The following CDK19 variants were observed in gnomAD, a reference collection of about 807,000 sequenced individuals.
CDK19 encodes the protein cyclin dependent kinase 19.
Under a neutral mutation model 68.3 loss-of-function variants are expected in CDK19, and 20 were observed. The observed-to-expected ratio is 0.29, with a 90% CI of 0.21 to 0.43. CDK19 has a LOEUF of 0.43. Ranked by LOEUF, CDK19 falls within the 20% of genes least tolerant of loss-of-function variation. The pLI is 1.00. For synonymous variants in CDK19, 221 were observed against 222.8 expected (o/e 0.99, Z 0.07); for missense variants, 339 against 623.5 (o/e 0.54, Z 4.86).
intron 1 of CDK19, among the ~76,000 whole-genome samples, chr6:110,809,481 A>G (rs1351501588): frequency 1.3e-5 from 2 of 152,058 alleles, no homozygotes; most frequent in African/African-American, 4.8e-5. Flanking sequence ...ACTGCACGAC[A>G]GCACTCCAGC....
At chr6:110,809,666 C>T (rs192345480) in intron 1 of CDK19, among the ~76,000 whole-genome samples, 2 of 151,966 alleles carry the variant, frequency 1.3e-5, no homozygotes, top group Non-Finnish European at 2.9e-5. Context: ...CTAAAAACTT[C>T]GTTTTTTAAG....
intron 1 of CDK19, among the ~76,000 whole-genome samples, chr6:110,763,260 C>T (rs753110608): frequency 6.6e-6 from 1 of 151,820 alleles, no homozygotes. Flanking sequence ...ATGGAGTGCT[C>T]CTATGATCTG....
At chr6:110,768,322 C>G (rs948871695) in intron 1 of CDK19, among the ~76,000 whole-genome samples, 2 of 152,202 alleles carry the variant, frequency 1.3e-5, no homozygotes, top group African/African-American at 4.8e-5. Context: ...CTTTGGAAGA[C>G]AGTTTGGCAG....
chr6:110,628,943 T>G lies in CDK19; in HGVS notation c.647-1798A>C, dbSNP rs76605526. 0.021 allele frequency among the ~76,000 whole-genome samples: 3,203 copies of G among 152,250 alleles called. 342 individuals carry two copies. The East Asian group carries it at 0.33, about 16-fold the overall frequency. ...AGCAAGGTCATCATCATCATGAACA[T>G]CCATCACTACAGAGTAGAGTAATAA... On this transcript the variant is annotated intron_variant, in intron 6 of 12. Coordinates refer to ENST00000368911, the MANE Select transcript of CDK19 (RefSeq NM_015076.5).
At chr6:110,683,774 T>A (rs1357000395) in intron 2 of CDK19, among the ~76,000 whole-genome samples, 1 of 148,888 alleles carries the variant, frequency 6.7e-6, no homozygotes, top group African/African-American at 2.5e-5. Flanking sequence ...TGATCTCAGC[T>A]CACTGCAACC....
chr6:110,774,133 AT>A lies in CDK19; in HGVS notation c.129-27933del, dbSNP rs1294641248. Among the ~76,000 whole-genome samples the A allele has an allele frequency of 7.2e-5, 11 of 152,390 alleles. 1 individual carries two copies. In the East Asian group the frequency reaches 2.1e-3, roughly 29 times the overall value. On this transcript the variant is annotated intron_variant, in intron 1 of 12. Transcript: ENST00000368911. ...AATTATATATAATGCAGCTTATTGT[AT>A]GAAAAGACCAAAAGTTGAGCCTTAA...
chr6:110,642,162 G>A (rs145213038), intron 4 of CDK19, among the ~76,000 whole-genome samples: 4 of 152,216 alleles, frequency 2.6e-5, no homozygotes, highest in East Asian at 1.9e-4. Flanking sequence ...TTAGCTGGGC[G>A]TGGTGGTGTG....
chr6:110,616,586 TG>T (rs2114572029), intron 12 of CDK19, among the ~76,000 whole-genome samples: 1 of 151,858 alleles, frequency 6.6e-6, no homozygotes, highest in East Asian at 1.9e-4. Context: ...GAGAATCGCT[TG>T]AACCCAGGAG....
intron 2 of CDK19, among the ~76,000 whole-genome samples, chr6:110,720,450 T>C (rs1162842264): frequency 1.3e-5 from 2 of 152,220 alleles, no homozygotes; most frequent in Admixed American, 1.3e-4. Flanking sequence ...CACTTTTCAC[T>C]GTTTTACGTC....
At chr6:110,689,018 T>A (rs895231243) in intron 2 of CDK19, among the ~76,000 whole-genome samples, 2 of 152,130 alleles carry the variant, frequency 1.3e-5, no homozygotes, top group African/African-American at 4.8e-5. Context: ...GGGGCAGTTT[T>A]GAGTTCTGAG....
chr6:110,643,820 T>C (rs975845410), intron 4 of CDK19, among the ~76,000 whole-genome samples: 1 of 152,112 alleles, frequency 6.6e-6, no homozygotes, highest in Admixed American at 6.5e-5. Flanking sequence ...GACAGGACAG[T>C]GATCCCAGCA....
chr6:110,646,018 C>A, intron 4 of CDK19: 1 of 987,306 alleles, frequency 1.0e-6, no homozygotes, highest in Non-Finnish European at 1.5e-6. Flanking sequence ...GGTGTGCGGT[C>A]GCGGGACCTG....
chr6:110,780,465 T>A (rs1332651907), intron 1 of CDK19, among the ~76,000 whole-genome samples: 1 of 148,568 alleles, frequency 6.7e-6, no homozygotes, highest in Non-Finnish European at 1.5e-5. Flanking sequence ...AAGGTATATA[T>A]CAGAAGACAT....
chr6:110,787,945 T>C (rs1173200689), intron 1 of CDK19, among the ~76,000 whole-genome samples: 17 of 151,914 alleles, frequency 1.1e-4, no homozygotes, highest in Non-Finnish European at 2.5e-4. Context: ...GTTCAAATGA[T>C]TCTCCTGTCT....
At position 110,684,718 on chromosome 6, in the gene CDK19, G is replaced by GAATATC. The variant is rs557888882; in HGVS notation, c.205-14183_205-14178dup. On this transcript the variant is annotated intron_variant, in intron 2 of 12. Coordinates refer to ENST00000368911, the MANE Select transcript of CDK19 (RefSeq NM_015076.5). ...GATGCATCATACAATACAACCAAGA[G>GAATATC]AATATCCCACTGTAACTCAAAATCC... Among the ~76,000 whole-genome samples, 1,292 of 152,140 alleles carry GAATATC rather than the reference G, an allele frequency of 8.5e-3. 8 individuals carry two copies. Among genetic ancestry groups the GAATATC allele is most frequent in the Middle Eastern group, 0.037 (11 of 294 alleles).
intron 1 of CDK19, chr6:110,814,769 G>T: frequency 1.5e-6 from 1 of 659,580 alleles, no homozygotes; most frequent in Non-Finnish European, 2.8e-6. Context: ...GCGCCCCTCT[G>T]GGACGGGACC....
intron 2 of CDK19, among the ~76,000 whole-genome samples, chr6:110,696,751 G>C (rs929032575): frequency 1.3e-5 from 2 of 151,856 alleles, no homozygotes; most frequent in Non-Finnish European, 2.9e-5. Flanking sequence ...GCAAAACCTC[G>C]CCTCTACTAA....
At chr6:110,651,595 T>C (rs1780977833) in intron 4 of CDK19, among the ~76,000 whole-genome samples, 1 of 152,058 alleles carries the variant, frequency 6.6e-6, no homozygotes, top group African/African-American at 2.4e-5. Flanking sequence ...TATTCCTGGA[T>C]TTGGTTTACT....
chr6:110,730,206 T>G (rs1776645259), intron 2 of CDK19, among the ~76,000 whole-genome samples: 1 of 152,166 alleles, frequency 6.6e-6, no homozygotes, highest in Non-Finnish European at 1.5e-5. Flanking sequence ...TTTTCTACAT[T>G]AAGCTTAACT....
Sources: allele counts gnomAD v4.1 joint callset (sites outside exome capture counted in the v4.1 genomes callset), GRCh38; gene constraint gnomAD v4.1.1; transcripts MANE v1.5; gene names NCBI Gene and HGNC (gene_info 2026-07-23, HGNC 2026-07-21).